Variants in CENPE observed in about 807,000 individuals in gnomAD.
The protein encoded by CENPE is centromere-associated protein E.
A neutral mutation model predicts 336.1 loss-of-function variants in CENPE; 145 were observed. The observed-to-expected ratio is 0.43, with a 90% CI of 0.38 to 0.50. CENPE has a LOEUF of 0.50. Among genes scored for constraint, CENPE ranks in the 20% least tolerant of loss-of-function variants. The pLI is 0.00. For missense variants in CENPE, 2,719 were observed against 3,023.3 expected (o/e 0.90, Z 2.36); for synonymous variants, 1,013 against 984.8 (o/e 1.03, Z -0.54).
intron 44 of CENPE, among the ~76,000 whole-genome samples, chr4:103,118,069 T>C (rs1382217767): frequency 6.6e-6 from 1 of 152,214 alleles, no homozygotes; most frequent in African/African-American, 2.4e-5. Context: ...TGCACATATA[T>C]TCTCAGCTCA....
At chr4:103,132,249 C>T (rs989417531) in intron 42 of CENPE, among the ~76,000 whole-genome samples, 2 of 151,990 alleles carry the variant, frequency 1.3e-5, no homozygotes, top group African/African-American at 4.8e-5. Context: ...TTGCTGTGAA[C>T]CTAAAACTGC....
intron 8 of CENPE, among the ~76,000 whole-genome samples, chr4:103,190,913 T>A (rs1578694709): frequency 6.8e-6 from 1 of 146,962 alleles, no homozygotes. Flanking sequence ...AGGGCTAATA[T>A]CCAGAATATA....
rs577933499 is a variant in CENPE, at chr4:103,197,903, G to A, written c.56+361C>T. 5.9e-5 allele frequency among the ~76,000 whole-genome samples: 9 copies of A among 152,352 alleles called. No individual in the cohort carries two copies. The South Asian group carries it at 1.9e-3, about 32-fold the overall frequency. ...GTCTTCAGAGGGTCTGGAGACAGCA[G>A]TTAGGTGTAAAATGACTAACTGTGA... On this transcript the variant is annotated intron_variant, in intron 1 of 48. Coordinates refer to ENST00000265148, the MANE Select transcript of CENPE (RefSeq NM_001813.3).
At position 103,139,948 on chromosome 4, in the gene CENPE, A is replaced by G; in HGVS notation, c.6045T>C (p.Ser2015=). 2 of 1,613,318 alleles carry G rather than the reference A, an allele frequency of 1.2e-6. No individual in the cohort carries two copies. The highest frequency in any genetic ancestry group is 1.7e-4 in the Middle Eastern group (1 of 6,054). ...QFEAQNLSMQ[S]VRMDNFQLTK... ...TCAACTGGAAGTTATCCATTCTCAC[A>G]CTTTGCATAGATAAGTTTTGGGCCT... The change falls in exon 38 of 49, where the codon AGT becomes AGC. Residue 2015 remains serine (S), a synonymous_variant. Coordinates refer to ENST00000265148, the MANE Select transcript of CENPE (RefSeq NM_001813.3).
chr4:103,174,245 G>A (rs1388410231), intron 16 of CENPE, among the ~76,000 whole-genome samples: 3 of 151,448 alleles, frequency 2.0e-5, no homozygotes, highest in Non-Finnish European at 4.4e-5. Context: ...ACCAGGAACA[G>A]AAAGACAAAT....
intron 46 of CENPE, among the ~76,000 whole-genome samples, chr4:103,113,290 C>T (rs1197441975): frequency 7.1e-6 from 1 of 140,262 alleles, no homozygotes; most frequent in Non-Finnish European, 1.5e-5. Flanking sequence ...ATTAGAAAAT[C>T]CTTCACAGCA....
chr4:103,115,793 C>T (rs940204800), intron 45 of CENPE, among the ~76,000 whole-genome samples: 2 of 146,786 alleles, frequency 1.4e-5, no homozygotes, highest in East Asian at 2.0e-4. Context: ...TGCAGTGGTG[C>T]GATCTCGGCT....
intron 24 of CENPE, among the ~76,000 whole-genome samples, chr4:103,154,184 C>G (rs922846756): frequency 6.6e-6 from 1 of 151,646 alleles, no homozygotes; most frequent in Non-Finnish European, 1.5e-5. Flanking sequence ...CATTAGAAAA[C>G]AATAGAAAAA....
At chr4:103,140,108 T>C (rs577122261) in intron 37 of CENPE, 29 bp from the exon 38 acceptor site, 2 of 1,568,248 alleles carry the variant, frequency 1.3e-6, no homozygotes, top group African/African-American at 2.7e-5. Context: ...CAAGTTAGAA[T>C]GTAAGCAGTT....
chr4:103,187,008 A>T (rs1266399254), intron 8 of CENPE, among the ~76,000 whole-genome samples: 3 of 152,210 alleles, frequency 2.0e-5, no homozygotes, highest in African/African-American at 7.2e-5. Context: ...AGAGAAGTAG[A>T]CAGGGGCCAG....
intron 25 of CENPE, among the ~76,000 whole-genome samples, 154 bp downstream of exon 25, chr4:103,152,893 G>A (rs1260862802): frequency 6.6e-6 from 1 of 152,106 alleles, no homozygotes; most frequent in African/African-American, 2.4e-5. Context: ...GGGGTGAAGA[G>A]GAAATGGGTA....
Position 103,158,453 on chromosome 4 carries a change from T to C in CENPE, c.2880A>G (p.Ile960Met), listed in dbSNP as rs771107150. 6.4e-7 allele frequency: 1 copy of C among 1,553,806 alleles called. No individual in the cohort carries two copies. Among genetic ancestry groups the C allele is most frequent in the East Asian group, 2.3e-5 (1 of 44,010 alleles). The change falls in exon 24 of 49, where the codon ATA (isoleucine) becomes ATG (methionine). Residue 960 changes from isoleucine (I) to methionine (M), a missense_variant. Ile to Met is a conservative substitution (Grantham distance 10, BLOSUM62 1). Coordinates refer to ENST00000265148, the MANE Select transcript of CENPE (RefSeq NM_001813.3). ...CATTTCGTAATTGTTCTTGAGTATC[T>C]ATATTCTTTGTTAGAAAAATATAAA... The part of the protein sequence containing the change: ...SDIHDTVNMN[I>M]DTQEQLRNAL...
chr4:103,145,177 C>T lies in CENPE; in HGVS notation c.4730G>A (p.Arg1577Lys), dbSNP rs1752913755. The change falls in exon 32 of 49, where the codon AGA becomes AAA. Residue 1577 changes from arginine (R) to lysine (K), a missense_variant. By Grantham distance (26) the Arg-to-Lys change is conservative. Transcript: ENST00000265148. The stretch of plus-strand genomic sequence containing the variant: ...TATTTCTTCTTGACTTTCTTGAAGT[C>T]TGTTGGTCAACTCGAGCATCTTACT... ...IESKMLELTNRLQESQEEIQI... is the reference protein window; with the variant it reads ...IESKMLELTNKLQESQEEIQI... 6.2e-7 allele frequency: 1 copy of T among 1,613,478 alleles called. No individual in the cohort carries two copies. The highest frequency in any genetic ancestry group is 8.5e-7 in the Non-Finnish European group (1 of 1,179,710).
chr4:103,136,356 G>C lies in CENPE; in HGVS notation c.6307C>G (p.Leu2103Val). The C allele has an allele frequency of 6.3e-7, 1 of 1,596,694 alleles. No individual in the cohort carries two copies. The highest frequency in any genetic ancestry group is 8.5e-7 in the Non-Finnish European group (1 of 1,170,952). ...LREKCSRIKE[L>V]LKRYSEMDDH... The stretch of plus-strand genomic sequence containing the variant: ...TCCATCTCTGAGTATCTCTTCAAAA[G>C]CTCCTAAAGGAAATGAGAATTCACT... Residue 2103 changes from leucine (L) to valine (V), a missense_variant, in exon 40 of 49, where the codon CTT becomes GTT. Leu to Val is a conservative substitution (Grantham distance 32). Transcript: ENST00000265148.
intron 18 of CENPE, among the ~76,000 whole-genome samples, chr4:103,162,088 T>C (rs1754495503): frequency 6.6e-6 from 1 of 152,036 alleles, no homozygotes; most frequent in South Asian, 2.1e-4. Context: ...AAGTGGGCAG[T>C]TCTGCTTGCC....
chr4:103,116,693 A>T lies in CENPE; in HGVS notation c.7330-4T>A. The stretch of plus-strand genomic sequence containing the variant: ...TAGCTCCTAAAGCAACTTTGTCCTA[A>T]ATTTTTTTTAGAGAAAATAAAAATA... On this transcript the variant is annotated splice_region_variant and splice_polypyrimidine_tract_variant and intron_variant, in intron 44 of 48. Transcript: ENST00000265148. 6.7e-7 allele frequency: 1 copy of T among 1,495,110 alleles called. No homozygotes were observed. The highest frequency in any genetic ancestry group is 9.1e-7 in the Non-Finnish European group (1 of 1,101,898). 92.6% of individuals were successfully genotyped at this position (1,495,110 alleles called of 1,614,324 possible).
At chr4:103,160,966 A>G (rs1275946092) in intron 20 of CENPE, 120 bp downstream of exon 20, 1 of 982,186 alleles carries the variant, frequency 1.0e-6, no homozygotes, top group Non-Finnish European at 1.5e-6. Flanking sequence ...CGTAATATTG[A>G]GTTTTTAAAA....
rs1748870202 is a variant in CENPE, at chr4:103,106,053, TACC to T, written c.*166_*168del. 2.5e-6 allele frequency: 1 copy of T among 401,888 alleles called. No individual in the cohort carries two copies. Among genetic ancestry groups the T allele is most frequent in the African/African-American group, 2.0e-5 (1 of 48,826 alleles). 24.9% of individuals were successfully genotyped at this position (401,888 alleles called of 1,614,324 possible). ...AGGTATTGCTATCACCATTCTAAATTACCACAATGCATTCATTTCCTGTTCCCT... is the reference window on the plus strand; with the variant it reads ...AGGTATTGCTATCACCATTCTAAATTACAATGCATTCATTTCCTGTTCCCT... On this transcript the variant is annotated 3_prime_UTR_variant, in exon 49 of 49. Transcript: ENST00000265148.
intron 25 of CENPE, among the ~76,000 whole-genome samples, chr4:103,151,830 C>G (rs1028636938): frequency 2.0e-5 from 3 of 152,190 alleles, no homozygotes; most frequent in Non-Finnish European, 4.4e-5. Flanking sequence ...TAGGCTCACA[C>G]AGTGACATTC....
Sources: gnomAD v4.1 joint callset for allele counts (sites outside exome capture counted in the v4.1 genomes callset) on GRCh38, gnomAD v4.1.1 for gene constraint, MANE v1.5 for transcripts, NCBI Gene and HGNC (gene_info 2026-07-23, HGNC 2026-07-21) for gene names.